SNX3: variants seen among roughly 807,000 people sequenced by gnomAD.
SNX3 encodes sorting nexin-3.
In SNX3, 5 loss-of-function variants were observed where a neutral mutation model predicts 17.7. The ratio of observed to expected loss-of-function variants is 0.28; its 90% CI spans 0.15 to 0.59. The LOEUF is 0.59. Ranked by LOEUF, SNX3 falls within the 20% of genes least tolerant of loss-of-function variation. The pLI, the probability that SNX3 is intolerant of heterozygous loss-of-function variation, is 0.88. For synonymous variants in SNX3, 91 were observed against 76.5 expected (o/e 1.19, Z -0.99); for missense variants, 132 against 206.8 (o/e 0.64, Z 2.22).
chr6:108,229,825 A>C (rs1775087072), intron 1 of SNX3, among the ~76,000 whole-genome samples: 1 of 152,366 alleles, frequency 6.6e-6, no homozygotes, highest in African/African-American at 2.4e-5. Flanking sequence ...AATAAAACTG[A>C]AAAGTTTAAA....
intron 1 of SNX3, among the ~76,000 whole-genome samples, chr6:108,253,386 C>T (rs180709081): frequency 0.032 from 4,614 of 146,108 alleles, 188 homozygotes; most frequent in South Asian, 0.095. Context: ...TAAATGAATA[C>T]ATATGTCTTT....
rs118048961 is a variant in SNX3 at position 108,239,243 on chromosome 6, T to C, written c.163-16198A>G. Among the ~76,000 whole-genome samples the C allele has an allele frequency of 2.9e-3, 439 of 152,036 alleles. 22 individuals carry two copies. The East Asian group carries it at 0.078, about 27-fold the overall frequency. The stretch of plus-strand genomic sequence containing the variant: ...GATTCCTGGAAGTAGCAGGGAAAAA[T>C]GAATTAGTCAAGCAGACCCGGGTTC... On this transcript the variant is annotated intron_variant, in intron 1 of 3. Transcript: ENST00000230085.
chr6:108,250,811 A>G (rs1775832802), intron 1 of SNX3, among the ~76,000 whole-genome samples: 2 of 152,244 alleles, frequency 1.3e-5, no homozygotes. Flanking sequence ...GCCAAAAGAA[A>G]TGCTCCATCA....
At chr6:108,258,801 G>A (rs902228962) in intron 1 of SNX3, among the ~76,000 whole-genome samples, 1 of 151,968 alleles carries the variant, frequency 6.6e-6, no homozygotes, top group Non-Finnish European at 1.5e-5. Context: ...GAGCCACTGC[G>A]CCAGGCCCAG....
At chr6:108,231,372 A>G (rs1234233648) in intron 1 of SNX3, among the ~76,000 whole-genome samples, 1 of 152,222 alleles carries the variant, frequency 6.6e-6, no homozygotes, top group South Asian at 2.1e-4. Flanking sequence ...GGCATGAGCC[A>G]CTGCACTCAG....
intron 2 of SNX3, among the ~76,000 whole-genome samples, chr6:108,216,384 T>C (rs898232819): frequency 6.6e-6 from 1 of 152,278 alleles, no homozygotes; most frequent in African/African-American, 2.4e-5. Context: ...CTCTAGACAG[T>C]GTCAAACGTC....
At chr6:108,216,151 G>C (rs566210209) in intron 2 of SNX3, among the ~76,000 whole-genome samples, 3 of 151,916 alleles carry the variant, frequency 2.0e-5, no homozygotes, top group Non-Finnish European at 2.9e-5. Flanking sequence ...ATCATGGCTC[G>C]CTGCAGCCTC....
intron 1 of SNX3, among the ~76,000 whole-genome samples, chr6:108,231,888 G>A (rs1453872348): frequency 6.6e-6 from 1 of 152,122 alleles, no homozygotes. Flanking sequence ...TGAATATACC[G>A]ATGTATTAAG....
intron 1 of SNX3, among the ~76,000 whole-genome samples, chr6:108,228,928 T>C (rs959880346): frequency 1.3e-5 from 2 of 152,136 alleles, no homozygotes; most frequent in Middle Eastern, 3.4e-3. Flanking sequence ...AACTCAGCCA[T>C]AGGTTAATCA....
Position 108,211,227 on chromosome 6 carries a change from T to G in SNX3, c.*922A>C, listed in dbSNP as rs1774398101. ...GAAAAATAGGAGAAATGGTATTTTA[T>G]CTTTGAAAGTCCTTTTAATAAATGA... is the stretch of plus-strand genomic sequence containing the variant. On this transcript the variant is annotated 3_prime_UTR_variant, in exon 4 of 4. Transcript: ENST00000230085. The G allele has an allele frequency of 6.6e-6, 1 of 152,238 alleles. No individual in the cohort carries two copies. Among genetic ancestry groups the G allele is most frequent in the Non-Finnish European group, 1.5e-5 (1 of 68,040 alleles). 9.4% of individuals were successfully genotyped at this position (152,238 alleles called of 1,614,324 possible).
In SNX3 at chr6:108,214,627, A is replaced by G. The variant is rs1232244470; in HGVS notation, c.259-5T>C. On this transcript the variant is annotated splice_region_variant and splice_polypyrimidine_tract_variant and intron_variant, in intron 2 of 3. Transcript: ENST00000230085. ...AGGGAGCGGGGGAACTACGACCTAA[A>G]ATGTGAAGACAGAAACTCCTTGATC... is the stretch of plus-strand genomic sequence containing the variant. 2 of 1,609,186 alleles carry G rather than the reference A, an allele frequency of 1.2e-6. No individual in the cohort carries two copies. Among genetic ancestry groups the G allele is most frequent in the Non-Finnish European group, 1.7e-6 (2 of 1,178,940 alleles).
chr6:108,215,349 G>GAAA (rs1345107306), intron 2 of SNX3, among the ~76,000 whole-genome samples: 1 of 95,838 alleles, frequency 1.0e-5, no homozygotes, highest in Non-Finnish European at 2.3e-5. Context: ...ACTCCGTCTA[G>GAAA]AAAAAAAAAA....
intron 1 of SNX3, among the ~76,000 whole-genome samples, chr6:108,235,329 G>A (rs1775294418): frequency 6.6e-6 from 1 of 152,076 alleles, no homozygotes; most frequent in South Asian, 2.1e-4. Flanking sequence ...ATATGACCGA[G>A]TTATCTCAAA....
rs71015538 is a variant in SNX3 at position 108,246,313 on chromosome 6, C to CTTTTT, written c.162+14442_162+14446dup. Among the ~76,000 whole-genome samples the CTTTTT allele has an allele frequency of 5.3e-3, 256 of 47,986 alleles. 33 individuals are homozygous for CTTTTT. Among genetic ancestry groups the CTTTTT allele is most frequent in the African/African-American group, 0.019 (214 of 11,152 alleles). 31.5% of individuals were successfully genotyped at this position (47,986 alleles called of 152,430 possible). On this transcript the variant is annotated intron_variant, in intron 1 of 3. Transcript: ENST00000230085. ...AATTCTTAAAAGAGCTTTGAGCATTCTTTTTTTTTTTTTTTTTTTTTTTTT... is the reference window on the plus strand; with the variant it reads ...AATTCTTAAAAGAGCTTTGAGCATTCTTTTTTTTTTTTTTTTTTTTTTTTTTTTTT...
intron 2 of SNX3, among the ~76,000 whole-genome samples, chr6:108,222,042 C>T (rs939342541): frequency 6.6e-6 from 1 of 152,004 alleles, no homozygotes; most frequent in African/African-American, 2.4e-5. Context: ...TAGGCATGAG[C>T]CACCATGCCC....
At chr6:108,246,313 CTTTTTTTTT>C (rs71015538) in intron 1 of SNX3, among the ~76,000 whole-genome samples, 4 of 47,972 alleles carry the variant, frequency 8.3e-5, no homozygotes, top group Non-Finnish European at 1.1e-4. Context: ...TTTGAGCATT[CTTTTTTTTT>C]TTTTTTTTTT....
rs552238200 is a variant in SNX3, at chr6:108,236,957, G to C, written c.163-13912C>G. 8.9e-4 allele frequency among the ~76,000 whole-genome samples: 136 copies of C among 152,212 alleles called. 2 individuals carry two copies. The highest frequency in any genetic ancestry group is 3.1e-3 in the African/African-American group (130 of 41,526). ...TACAATACTTTACTCCTTTCATAAA[G>C]CTCCACAAAGAATGTTTATTGTTCT... On this transcript the variant is annotated intron_variant, in intron 1 of 3. Coordinates refer to ENST00000230085, the MANE Select transcript of SNX3 (RefSeq NM_003795.6).
rs376670537 is a variant in SNX3 at position 108,223,731 on chromosome 6, G to A, written c.163-686C>T. Among the ~76,000 whole-genome samples the A allele has an allele frequency of 2.6e-5, 4 of 151,794 alleles. No individual in the cohort carries two copies. In the East Asian group the frequency reaches 5.8e-4, roughly 22 times the overall value. On this transcript the variant is annotated intron_variant, in intron 1 of 3. Coordinates refer to ENST00000230085, the MANE Select transcript of SNX3 (RefSeq NM_003795.6). Reference sequence around the variant, plus strand: ...GCCAGGCTGGTGGTCTCAAACTCCTGACCTCAAGTGATCTGCTGCCTCGGC... The same window carrying A: ...GCCAGGCTGGTGGTCTCAAACTCCTAACCTCAAGTGATCTGCTGCCTCGGC...
intron 1 of SNX3, among the ~76,000 whole-genome samples, chr6:108,255,374 G>A (rs1422284583): frequency 1.3e-5 from 2 of 152,100 alleles, no homozygotes; most frequent in African/African-American, 2.4e-5. Flanking sequence ...TTTAGAGGCA[G>A]GGTCTCACTG....
Sources: gnomAD v4.1 joint callset for allele counts (sites outside exome capture counted in the v4.1 genomes callset) on GRCh38, gnomAD v4.1.1 for gene constraint, MANE v1.5 for transcripts, NCBI Gene and HGNC (gene_info 2026-07-23, HGNC 2026-07-21) for gene names.